Variants in PDE4D observed in about 807,000 individuals in gnomAD.
The protein encoded by PDE4D is 3',5'-cyclic-AMP phosphodiesterase 4D.
PDE4D carries 24 observed loss-of-function variants against 87.4 expected under a neutral mutation model. That is an observed-to-expected ratio of 0.27 (90% CI 0.20 to 0.39). The LOEUF (loss-of-function observed/expected upper bound fraction) is 0.39. Among genes scored for constraint, PDE4D ranks in the 10% least tolerant of loss-of-function variants. The pLI, the probability that PDE4D is intolerant of heterozygous loss-of-function variation, is 1.00. For missense variants in PDE4D, 714 were observed against 1,041.0 expected (o/e 0.69, Z 4.32); for synonymous variants, 384 against 383.2 (o/e 1.00, Z -0.02).
At chr5:59,271,549 C>T (rs897793163) in intron 1 of PDE4D, among the ~76,000 whole-genome samples, 1 of 151,978 alleles carries the variant, frequency 6.6e-6, no homozygotes, top group Non-Finnish European at 1.5e-5. Flanking sequence ...TATATGAATG[C>T]TTTCCACTGT....
At chr5:59,656,930 A>C (rs1402156714) in intron 1 of PDE4D, among the ~76,000 whole-genome samples, 1 of 152,104 alleles carries the variant, frequency 6.6e-6, no homozygotes, top group Non-Finnish European at 1.5e-5. Context: ...CTTTTTTTCT[A>C]ATTTGTCATT....
chr5:59,524,696 C>T (rs774749006), intron 1 of PDE4D, among the ~76,000 whole-genome samples: 10 of 152,186 alleles, frequency 6.6e-5, no homozygotes, highest in South Asian at 2.1e-4. Context: ...CTATTACAGG[C>T]CTGGAGGCCT....
chr5:60,423,453 A>C (rs1743327832), intron 1 of PDE4D, among the ~76,000 whole-genome samples: 1 of 152,272 alleles, frequency 6.6e-6, no homozygotes, highest in Non-Finnish European at 1.5e-5. Flanking sequence ...TACTGGGTAC[A>C]TAATGAAATG....
At chr5:60,148,436 G>A (rs1485028886) in intron 2 of PDE4D, among the ~76,000 whole-genome samples, 3 of 152,168 alleles carry the variant, frequency 2.0e-5, no homozygotes, top group African/African-American at 7.2e-5. Context: ...GAGATAAAGT[G>A]TATGGAAGAA....
chr5:59,338,318 C>T (rs1402639505), intron 1 of PDE4D, among the ~76,000 whole-genome samples: 4 of 152,134 alleles, frequency 2.6e-5, no homozygotes, highest in Admixed American at 2.0e-4. Context: ...AGTATTTAGG[C>T]CCCTAGTCCC....
intron 2 of PDE4D, among the ~76,000 whole-genome samples, chr5:60,140,461 T>G (rs1780427532): frequency 6.6e-6 from 1 of 151,730 alleles, no homozygotes; most frequent in African/African-American, 2.4e-5. Context: ...GGTTTCTAAT[T>G]CTGTGCTCTT....
chr5:59,695,513 T>C (rs1751643093), intron 1 of PDE4D, among the ~76,000 whole-genome samples: 1 of 152,206 alleles, frequency 6.6e-6, no homozygotes, highest in South Asian at 2.1e-4. Context: ...CCCTAGCAAC[T>C]CTCTGCATGA....
intron 2 of PDE4D, among the ~76,000 whole-genome samples, chr5:60,038,629 T>C (rs1190676692): frequency 6.6e-6 from 1 of 152,048 alleles, no homozygotes; most frequent in East Asian, 1.9e-4. Flanking sequence ...CAAAAGAAAC[T>C]ACCATCAGAG....
At chr5:60,474,214 T>C (rs890633951) in intron 1 of PDE4D, among the ~76,000 whole-genome samples, 7 of 146,520 alleles carry the variant, frequency 4.8e-5, no homozygotes, top group Non-Finnish European at 1.1e-4. Context: ...TTCTGAGAGC[T>C]GTGAAGTTCA....
intron 3 of PDE4D, among the ~76,000 whole-genome samples, chr5:59,979,845 G>C (rs960528340): frequency 2.6e-5 from 4 of 151,900 alleles, no homozygotes; most frequent in Non-Finnish European, 5.9e-5. Flanking sequence ...TGGTTGGGGG[G>C]AAGTGTGTTT....
At chr5:59,107,462 G>A (rs1385958158) in intron 5 of PDE4D, among the ~76,000 whole-genome samples, 2 of 152,186 alleles carry the variant, frequency 1.3e-5, no homozygotes, top group African/African-American at 4.8e-5. Context: ...GCCTGTCTCA[G>A]CCTCCCAAAG....
At chr5:60,286,562 T>G (rs1752437899) in intron 1 of PDE4D, among the ~76,000 whole-genome samples, 3 of 152,166 alleles carry the variant, frequency 2.0e-5, no homozygotes. Flanking sequence ...TCATCACTGG[T>G]TATTTTTGAA....
intron 11 of PDE4D, among the ~76,000 whole-genome samples, chr5:58,987,394 C>T (rs999207650): frequency 4.6e-5 from 7 of 152,174 alleles, no homozygotes; most frequent in African/African-American, 1.7e-4. Context: ...CTTTTCCAGT[C>T]CTCTACATGG....
intron 1 of PDE4D, among the ~76,000 whole-genome samples, chr5:59,318,806 C>A (rs187948714): frequency 2.0e-5 from 3 of 151,936 alleles, no homozygotes; most frequent in African/African-American, 7.2e-5. Context: ...AAATAAACTA[C>A]GTAAGCAGCC....
At chr5:59,963,129 G>A (rs1403338821) in intron 3 of PDE4D, among the ~76,000 whole-genome samples, 1 of 152,130 alleles carries the variant, frequency 6.6e-6, no homozygotes, top group Non-Finnish European at 1.5e-5. Context: ...TTGACTTACA[G>A]GTTGCTGAGG....
At chr5:59,132,644 A>G (rs958461839) in intron 5 of PDE4D, among the ~76,000 whole-genome samples, 5 of 152,224 alleles carry the variant, frequency 3.3e-5, no homozygotes, top group African/African-American at 1.2e-4. Flanking sequence ...TCCCTTTAAG[A>G]AAAGTTCCTG....
chr5:60,012,817 T>G (rs1765144332), intron 2 of PDE4D, among the ~76,000 whole-genome samples: 1 of 152,074 alleles, frequency 6.6e-6, no homozygotes. Flanking sequence ...TTTAAAGGGG[T>G]TCTGATGCAT....
chr5:60,371,350 A>C (rs984743921), intron 1 of PDE4D, among the ~76,000 whole-genome samples: 1 of 152,104 alleles, frequency 6.6e-6, no homozygotes, highest in African/African-American at 2.4e-5. Flanking sequence ...CCATGTGGTG[A>C]TTCTCTTTCT....
At chr5:59,606,908 C>G (rs1032947518) in intron 1 of PDE4D, among the ~76,000 whole-genome samples, 1 of 151,458 alleles carries the variant, frequency 6.6e-6, no homozygotes, top group African/African-American at 2.4e-5. Flanking sequence ...ATTCATCTCT[C>G]TTTTTGTTTT....
Sources: gnomAD v4.1 joint callset for allele counts (sites outside exome capture counted in the v4.1 genomes callset) on GRCh38, gnomAD v4.1.1 for gene constraint, MANE v1.5 for transcripts, NCBI Gene and HGNC (gene_info 2026-07-23, HGNC 2026-07-21) for gene names.